Variants in AGK observed in about 807,000 individuals in gnomAD.
AGK encodes acylglycerol kinase.
AGK carries 52 observed loss-of-function variants against 66.4 expected under a neutral mutation model. The observed-to-expected ratio is 0.78, with a 90% CI of 0.63 to 0.99. The LOEUF (loss-of-function observed/expected upper bound fraction) is 0.99. Among genes scored for constraint, AGK ranks in the 50% least tolerant of loss-of-function variants. AGK has a pLI of 0.00. For synonymous variants in AGK, 182 were observed against 181.1 expected (o/e 1.00, Z -0.04); for missense variants, 451 against 506.6 (o/e 0.89, Z 1.05).
At position 141,615,488 on chromosome 7, in the gene AGK, T is replaced by A; in HGVS notation, c.441T>A (p.Ile147=). 1.9e-6 allele frequency: 3 copies of A among 1,613,706 alleles called. No homozygotes were observed. The highest frequency in any genetic ancestry group is 2.5e-6 in the Non-Finnish European group (3 of 1,179,722). Residue 147 remains isoleucine (I), a synonymous_variant, in exon 8 of 16, where the codon ATT becomes ATA. Coordinates refer to ENST00000649286, the MANE Select transcript of AGK (RefSeq NM_018238.4). ...CCCCCCAGGCTACCTTCAGTAAGATTCCCATTGGATTTATCCCACTGGGAG... is the reference window on the plus strand; with the variant it reads ...CCCCCCAGGCTACCTTCAGTAAGATACCCATTGGATTTATCCCACTGGGAG... ...RRTDEATFSK[I]PIGFIPLGET...
chr7:141,573,809 ATC>A (rs755129815), intron 2 of AGK, among the ~76,000 whole-genome samples: 2 of 152,132 alleles, frequency 1.3e-5, no homozygotes, highest in Non-Finnish European at 2.9e-5. Flanking sequence ...GCTCTATGTA[ATC>A]TGTTTTCTCT....
intron 2 of AGK, among the ~76,000 whole-genome samples, chr7:141,573,668 C>A (rs1320122209): frequency 6.6e-6 from 1 of 152,118 alleles, no homozygotes; most frequent in Non-Finnish European, 1.5e-5. Context: ...CCAGATCTGT[C>A]ACGTATTCTG....
In AGK at chr7:141,569,306, C is replaced by T. The variant is rs144668838; in HGVS notation, c.101+13739C>T. 4.4e-3 allele frequency among the ~76,000 whole-genome samples: 669 copies of T among 152,136 alleles called. 29 individuals are homozygous for T. The East Asian group carries it at 0.098, about 22-fold the overall frequency. ...GTCCCAGCACTTTGGGAGGCCGAGG[C>T]GGGCACATCACGAGGTCAGGAGATC... is the stretch of plus-strand genomic sequence containing the variant. On this transcript the variant is annotated intron_variant, in intron 2 of 15. Transcript: ENST00000649286.
intron 2 of AGK, among the ~76,000 whole-genome samples, chr7:141,591,295 G>A (rs1026903908): frequency 6.6e-6 from 1 of 151,904 alleles, no homozygotes; most frequent in African/African-American, 2.4e-5. Context: ...GTCTCACCAT[G>A]TTGGCCAGGC....
chr7:141,641,548 C>G, intron 12 of AGK, 150 bp downstream of exon 12: 1 of 926,630 alleles, frequency 1.1e-6, no homozygotes, highest in Non-Finnish European at 1.6e-6. Context: ...GCCACCAGAG[C>G]AGGCCCAAGC....
chr7:141,552,250 T>C (rs1236955948), intron 1 of AGK, among the ~76,000 whole-genome samples: 1 of 152,252 alleles, frequency 6.6e-6, no homozygotes, highest in African/African-American at 2.4e-5. Flanking sequence ...AAAGTGGTCT[T>C]TTAACAGTTC....
intron 13 of AGK, among the ~76,000 whole-genome samples, chr7:141,647,749 C>T (rs1797451026): frequency 6.6e-6 from 1 of 152,196 alleles, no homozygotes; most frequent in Non-Finnish European, 1.5e-5. Context: ...TGGCTCACTG[C>T]AATCTCTGCC....
chr7:141,603,948 C>T (rs950255446), intron 5 of AGK, among the ~76,000 whole-genome samples: 26 of 152,074 alleles, frequency 1.7e-4, no homozygotes, highest in Non-Finnish European at 3.4e-4. Flanking sequence ...GGAAAAGTAG[C>T]GATTCTCTTT....
At chr7:141,576,186 AC>A (rs567677770) in intron 2 of AGK, among the ~76,000 whole-genome samples, 5 of 152,154 alleles carry the variant, frequency 3.3e-5, no homozygotes, top group Non-Finnish European at 7.3e-5. Flanking sequence ...TTTCAGTGCC[AC>A]CAAAGAAATA....
At chr7:141,647,656 A>T (rs1410971269) in intron 13 of AGK, among the ~76,000 whole-genome samples, 3 of 151,798 alleles carry the variant, frequency 2.0e-5, no homozygotes, top group African/African-American at 4.8e-5. Context: ...AGTCTGAGTT[A>T]AAAAAAAATT....
chr7:141,606,164 C>T (rs545549424), intron 5 of AGK, among the ~76,000 whole-genome samples: 4 of 152,306 alleles, frequency 2.6e-5, no homozygotes, highest in African/African-American at 9.6e-5. Context: ...GAATCATAGA[C>T]TTCAGGCTTG....
At chr7:141,595,155 T>A (rs1184512222) in intron 3 of AGK, among the ~76,000 whole-genome samples, 1 of 152,162 alleles carries the variant, frequency 6.6e-6, no homozygotes, top group Non-Finnish European at 1.5e-5. Context: ...ACTCCTTAGC[T>A]CACTGTGAAT....
intron 2 of AGK, among the ~76,000 whole-genome samples, chr7:141,567,434 T>A (rs1040199238): frequency 3.3e-5 from 5 of 152,100 alleles, no homozygotes; most frequent in African/African-American, 1.2e-4. Context: ...GTATTTATAA[T>A]TTTTTTTCTC....
intron 2 of AGK, among the ~76,000 whole-genome samples, chr7:141,563,467 G>A (rs901699223): frequency 2.6e-5 from 4 of 152,136 alleles, no homozygotes; most frequent in East Asian, 1.9e-4. Flanking sequence ...AGGCTTTGGC[G>A]CCTGGCTTAT....
At chr7:141,649,146 G>A (rs370796399) in intron 13 of AGK, 117 bp from the exon 14 acceptor site, 2 of 484,552 alleles carry the variant, frequency 4.1e-6, no homozygotes. Context: ...ATCACTACAA[G>A]TAGAGTCCCC....
chr7:141,621,673 T>C, intron 8 of AGK, 59 bp from the exon 9 acceptor site: 2 of 1,081,692 alleles, frequency 1.8e-6, no homozygotes, highest in Non-Finnish European at 2.9e-6. Context: ...CATGTGGCAG[T>C]GTGGTGGGGG....
chr7:141,581,680 G>A (rs1199880699), intron 2 of AGK, among the ~76,000 whole-genome samples: 7 of 151,942 alleles, frequency 4.6e-5, no homozygotes, highest in Non-Finnish European at 1.5e-5. Context: ...GATTAAGGTG[G>A]GGAGATACAA....
At chr7:141,588,471 C>G (rs1796038762) in intron 2 of AGK, among the ~76,000 whole-genome samples, 1 of 152,052 alleles carries the variant, frequency 6.6e-6, no homozygotes, top group African/African-American at 2.4e-5. Flanking sequence ...CAAAAATTAG[C>G]TGGGTGTGGT....
Position 141,567,494 on chromosome 7 carries a change from GAAA to G in AGK, c.101+11933_101+11935del, listed in dbSNP as rs558113470. 4.0e-5 allele frequency among the ~76,000 whole-genome samples: 6 copies of G among 151,158 alleles called. No homozygotes were observed. In the South Asian group the frequency reaches 1.3e-3, roughly 32 times the overall value. On this transcript the variant is annotated intron_variant, in intron 2 of 15. Coordinates refer to ENST00000649286, the MANE Select transcript of AGK (RefSeq NM_018238.4). ...TTTCTCCCTTCCCCCAAGTTTCAAA[GAAA>G]AAAAAGTCTGTGATATTTTTCCCCT...
Sources: allele counts gnomAD v4.1 joint callset (sites outside exome capture counted in the v4.1 genomes callset), GRCh38; gene constraint gnomAD v4.1.1; transcripts MANE v1.5; gene names NCBI Gene and HGNC (gene_info 2026-07-23, HGNC 2026-07-21).